The following POU2F1 variants were observed in gnomAD, a reference collection of about 807,000 sequenced individuals.
POU2F1 encodes the protein POU domain, class 2, transcription factor 1.
Under a neutral mutation model 84.9 loss-of-function variants are expected in POU2F1, and 16 were observed. The observed-to-expected ratio is 0.19, with a 90% CI of 0.13 to 0.29. The LOEUF (loss-of-function observed/expected upper bound fraction) is 0.29, where lower values mean the gene tolerates loss of function less well. Among genes scored for constraint, POU2F1 ranks in the 10% least tolerant of loss-of-function variants. The pLI is 1.00. For missense variants in POU2F1, 738 were observed against 942.6 expected (o/e 0.78, Z 2.84); for synonymous variants, 368 against 368.3 (o/e 1.00, Z 0.01).
At chr1:167,364,031 A>G (rs1294596058) in intron 2 of POU2F1, among the ~76,000 whole-genome samples, 2 of 152,230 alleles carry the variant, frequency 1.3e-5, no homozygotes, top group Admixed American at 1.3e-4. Flanking sequence ...ATGGAAGTGT[A>G]GAACCATATC....
chr1:167,417,124 G>T lies in POU2F1; in HGVS notation c.*1314G>T, dbSNP rs1381386276. On this transcript the variant is annotated 3_prime_UTR_variant, in exon 16 of 16. Transcript: ENST00000367866. ...AGAGGTGTGATGAGAAGGGTATAAGGTTACCACCTTTTCCTCTAGAGAGCC... is the reference window on the plus strand; with the variant it reads ...AGAGGTGTGATGAGAAGGGTATAAGTTTACCACCTTTTCCTCTAGAGAGCC... 6 of 152,166 alleles carry T rather than the reference G, an allele frequency of 3.9e-5. No homozygotes were observed. Among genetic ancestry groups the T allele is most frequent in the African/African-American group, 1.4e-4 (6 of 41,432 alleles). 9.4% of individuals were successfully genotyped at this position (152,166 alleles called of 1,614,324 possible).
In POU2F1 at chr1:167,371,982, G is replaced by T. The variant is rs761519318; in HGVS notation, c.348G>T (p.Val116=). The T allele has an allele frequency of 3.7e-6, 6 of 1,614,160 alleles. No individual in the cohort carries two copies. The highest frequency in any genetic ancestry group is 5.1e-6 in the Non-Finnish European group (6 of 1,180,004). The change falls in exon 5 of 16, where the codon GTG becomes GTT. Residue 116 remains valine (V), a synonymous_variant. Coordinates refer to ENST00000367866, the MANE Select transcript of POU2F1 (RefSeq NM_002697.4). ...GCCAGCCTTCCCAGCAGCCTTCAGTGCAGGCAGCCATTCCCCAGACCCAGC... is the reference window on the plus strand; with the variant it reads ...GCCAGCCTTCCCAGCAGCCTTCAGTTCAGGCAGCCATTCCCCAGACCCAGC... ...QPSQPSQQPS[V]QAAIPQTQLM...
chr1:167,318,481 A>G (rs112873493), intron 1 of POU2F1, among the ~76,000 whole-genome samples: 9 of 152,352 alleles, frequency 5.9e-5, no homozygotes, highest in African/African-American at 1.7e-4. Flanking sequence ...CTGTTCTGCA[A>G]TGCAATCTTC....
intron 2 of POU2F1, among the ~76,000 whole-genome samples, chr1:167,362,935 C>T (rs1003949986): frequency 7.9e-5 from 12 of 152,024 alleles, no homozygotes; most frequent in African/African-American, 2.9e-4. Context: ...ATTGACTAAA[C>T]CTGGGAGGGG....
intron 1 of POU2F1, among the ~76,000 whole-genome samples, chr1:167,224,770 T>A (rs1293160290): frequency 6.6e-6 from 1 of 152,038 alleles, no homozygotes; most frequent in East Asian, 1.9e-4. Flanking sequence ...TGTCTCCTTT[T>A]GCATCTGTCA....
intron 13 of POU2F1, among the ~76,000 whole-genome samples, chr1:167,410,748 T>G (rs2101941173): frequency 6.6e-6 from 1 of 152,158 alleles, no homozygotes; most frequent in East Asian, 1.9e-4. Flanking sequence ...GCTCCTGACC[T>G]CAAATGATCC....
At chr1:167,331,811 GGTT>G (rs1424074036) in intron 1 of POU2F1, among the ~76,000 whole-genome samples, 2 of 152,028 alleles carry the variant, frequency 1.3e-5, no homozygotes, top group Non-Finnish European at 2.9e-5. Flanking sequence ...AAGTGGGTGT[GGTT>G]GTAATGCAGT....
At chr1:167,303,780 A>C (rs141764159) in intron 1 of POU2F1, among the ~76,000 whole-genome samples, 249 of 152,240 alleles carry the variant, frequency 1.6e-3, no homozygotes, top group African/African-American at 5.9e-3. Context: ...CCAGCAATGG[A>C]AAATAGTTTA....
chr1:167,346,464 C>A (rs1006391017), intron 2 of POU2F1, among the ~76,000 whole-genome samples: 1 of 152,168 alleles, frequency 6.6e-6, no homozygotes. Flanking sequence ...AGCCCCCAAC[C>A]TTTTTGGCCC....
intron 1 of POU2F1, among the ~76,000 whole-genome samples, chr1:167,228,968 A>G (rs1648854989): frequency 1.3e-5 from 2 of 152,138 alleles, no homozygotes; most frequent in Admixed American, 6.5e-5. Context: ...GTAAAATAAA[A>G]CTTAGATTAA....
chr1:167,325,092 C>CT (rs1202543349), intron 1 of POU2F1, among the ~76,000 whole-genome samples: 7 of 152,004 alleles, frequency 4.6e-5, no homozygotes, highest in African/African-American at 1.4e-4. Context: ...GTTTGTTGGA[C>CT]TTTTTTTGTA....
chr1:167,309,173 T>A (rs1302617452), intron 1 of POU2F1, among the ~76,000 whole-genome samples: 1 of 152,002 alleles, frequency 6.6e-6, no homozygotes, highest in East Asian at 1.9e-4. Context: ...AGTCAAGATG[T>A]GGGTGCCAAG....
intron 15 of POU2F1, among the ~76,000 whole-genome samples, chr1:167,413,925 A>G (rs1453607928): frequency 6.6e-6 from 1 of 151,894 alleles, no homozygotes; most frequent in African/African-American, 2.4e-5. Context: ...GCAGTGTGCT[A>G]TGATCATGCC....
Position 167,421,691 on chromosome 1 carries a change from C to T in POU2F1, c.*5881C>T, listed in dbSNP as rs1343426868. 6.6e-6 allele frequency: 1 copy of T among 152,142 alleles called. No individual in the cohort carries two copies. Among genetic ancestry groups the T allele is most frequent in the Non-Finnish European group, 1.5e-5 (1 of 68,036 alleles). The allele number at this position is 152,142 out of a possible 1,614,324, so 9.4% of individuals were successfully genotyped here. A position where few individuals can be genotyped will look rare whatever the true frequency, so the allele number is the denominator to read the frequency against. ...CCTTAATTTGGGTAACAGCTAGCTT[C>T]TGGCACCTTCATAAAATACCTCAGA... On this transcript the variant is annotated 3_prime_UTR_variant, in exon 16 of 16. Coordinates refer to ENST00000367866, the MANE Select transcript of POU2F1 (RefSeq NM_002697.4).
At chr1:167,317,350 T>C (rs777828062) in intron 1 of POU2F1, among the ~76,000 whole-genome samples, 4 of 152,238 alleles carry the variant, frequency 2.6e-5, no homozygotes, top group African/African-American at 7.2e-5. Context: ...GTTACAAGCC[T>C]TCTGAAACTT....
chr1:167,417,151 C>T lies in POU2F1; in HGVS notation c.*1341C>T, dbSNP rs555203672. The T allele has an allele frequency of 2.8e-4, 43 of 152,330 alleles. No individual in the cohort carries two copies. The highest frequency in any genetic ancestry group is 9.4e-4 in the African/African-American group (39 of 41,566). 9.4% of individuals were successfully genotyped at this position (152,330 alleles called of 1,614,324 possible). A position where few individuals can be genotyped will look rare whatever the true frequency, so the allele number is the denominator to read the frequency against. Reference sequence around the variant, plus strand: ...TACCACCTTTTCCTCTAGAGAGCCACAGACTTCCTTTCCACTGGATGGTTT... The same window carrying T: ...TACCACCTTTTCCTCTAGAGAGCCATAGACTTCCTTTCCACTGGATGGTTT... On this transcript the variant is annotated 3_prime_UTR_variant, in exon 16 of 16. Coordinates refer to ENST00000367866, the MANE Select transcript of POU2F1 (RefSeq NM_002697.4).
At chr1:167,292,010 ATG>A (rs1182583383) in intron 1 of POU2F1, among the ~76,000 whole-genome samples, 6 of 151,910 alleles carry the variant, frequency 3.9e-5, no homozygotes, top group Non-Finnish European at 8.8e-5. Context: ...TTTCAAATTC[ATG>A]TTAGAAAAAT....
At chr1:167,309,395 T>C (rs1655303201) in intron 1 of POU2F1, among the ~76,000 whole-genome samples, 1 of 152,190 alleles carries the variant, frequency 6.6e-6, no homozygotes, top group South Asian at 2.1e-4. Context: ...TTTAAGGTTT[T>C]AGTTCCTTTC....
chr1:167,302,141 G>A (rs1654746541), intron 1 of POU2F1, among the ~76,000 whole-genome samples: 1 of 151,662 alleles, frequency 6.6e-6, no homozygotes, highest in African/African-American at 2.4e-5. Flanking sequence ...GCACCATCTC[G>A]GCTTACTGCA....
Sources: allele counts gnomAD v4.1 joint callset (sites outside exome capture counted in the v4.1 genomes callset), GRCh38; gene constraint gnomAD v4.1.1; transcripts MANE v1.5; gene names NCBI Gene and HGNC (gene_info 2026-07-23, HGNC 2026-07-21).